Variants in RPS6KA5 observed in about 807,000 individuals in gnomAD.
The protein encoded by RPS6KA5 is ribosomal protein S6 kinase A5, also known as ribosomal protein S6 kinase alpha-5.
A neutral mutation model predicts 85.5 loss-of-function variants in RPS6KA5; 27 were observed. That is an observed-to-expected ratio of 0.32 (90% confidence interval 0.23 to 0.44). The LOEUF (loss-of-function observed/expected upper bound fraction) is 0.44, where lower values mean the gene tolerates loss of function less well. Among genes scored for constraint, RPS6KA5 ranks in the 20% least tolerant of loss-of-function variants. The probability of loss-of-function intolerance (pLI) is 1.00; values close to 1 mark genes in which losing one functional copy is unlikely to be tolerated. For synonymous variants in RPS6KA5, 334 were observed against 348.2 expected (o/e 0.96, Z 0.46); for missense variants, 811 against 980.9 (o/e 0.83, Z 2.31).
At position 90,850,783 on chromosome 14, in the gene RPS6KA5, G is replaced by T. The variant is rs1299777738; in HGVS notation, c.*21291C>A. ...GATTCTCGTATGTGCTGAAAACACTGCTATGACGACAGTTTGATCTGATCA... is the reference window on the plus strand; with the variant it reads ...GATTCTCGTATGTGCTGAAAACACTTCTATGACGACAGTTTGATCTGATCA... On this transcript the variant is annotated 3_prime_UTR_variant, in exon 17 of 17. Transcript: ENST00000614987. The T allele has an allele frequency of 1.3e-5, 2 of 152,200 alleles. 1 individual carries two copies. The highest frequency in any genetic ancestry group is 4.8e-5 in the African/African-American group (2 of 41,444). 9.4% of individuals were successfully genotyped at this position (152,200 alleles called of 1,614,324 possible). A position where few individuals can be genotyped will look rare whatever the true frequency, so the allele number is the denominator to read the frequency against.
At position 90,866,684 on chromosome 14, in the gene RPS6KA5, T is replaced by A. The variant is rs138039039; in HGVS notation, c.*5390A>T. On this transcript the variant is annotated 3_prime_UTR_variant, in exon 17 of 17. Transcript: ENST00000614987. ...TTTAAATTCTACACATAAGGATACA[T>A]ACCATTTTTACCAGCTATACTTTAA... is the stretch of plus-strand genomic sequence containing the variant. The A allele has an allele frequency of 1.3e-5, 2 of 152,226 alleles. No homozygotes were observed. Among genetic ancestry groups the A allele is most frequent in the Admixed American group, 1.3e-4 (2 of 15,284 alleles). The allele number at this position is 152,226 out of a possible 1,614,324, so 9.4% of individuals were successfully genotyped here.
At chr14:91,025,924 C>A (rs1301846380) in intron 1 of RPS6KA5, among the ~76,000 whole-genome samples, 1 of 151,916 alleles carries the variant, frequency 6.6e-6, no homozygotes, top group Non-Finnish European at 1.5e-5. Context: ...ATGTGGCGTA[C>A]AAATGATTCC....
At chr14:90,980,363 T>C (rs2039739790) in intron 2 of RPS6KA5, among the ~76,000 whole-genome samples, 1 of 152,182 alleles carries the variant, frequency 6.6e-6, no homozygotes, top group South Asian at 2.1e-4. Flanking sequence ...ACTATGGTTT[T>C]TAGAAATTAG....
intron 1 of RPS6KA5, among the ~76,000 whole-genome samples, chr14:91,007,760 G>A (rs996432748): frequency 1.1e-4 from 17 of 151,092 alleles, no homozygotes; most frequent in Admixed American, 4.0e-4. Flanking sequence ...GGTGATTGAT[G>A]TAATTTTAAA....
At chr14:90,966,917 C>T (rs1460818627) in intron 3 of RPS6KA5, among the ~76,000 whole-genome samples, 1 of 152,140 alleles carries the variant, frequency 6.6e-6, no homozygotes, top group Non-Finnish European at 1.5e-5. Context: ...TCTTGATGGG[C>T]ATGTCTCAAG....
chr14:91,010,357 C>T (rs1009261600), intron 1 of RPS6KA5, among the ~76,000 whole-genome samples: 9 of 152,140 alleles, frequency 5.9e-5, no homozygotes, highest in Non-Finnish European at 1.3e-4. Flanking sequence ...TCTAACCATT[C>T]AGGCCGTAAG....
At chr14:90,962,732 T>C (rs540897748) in intron 3 of RPS6KA5, among the ~76,000 whole-genome samples, 10 of 152,276 alleles carry the variant, frequency 6.6e-5, no homozygotes, top group African/African-American at 2.4e-4. Flanking sequence ...GTAAGAACAA[T>C]ACAAAGAATC....
At chr14:90,908,588 G>T (rs1208974179) in intron 7 of RPS6KA5, among the ~76,000 whole-genome samples, 2 of 152,206 alleles carry the variant, frequency 1.3e-5, no homozygotes, top group Non-Finnish European at 2.9e-5. Flanking sequence ...ATTCCTGCTA[G>T]AAAACTGCAG....
In RPS6KA5 at chr14:90,854,891, C is replaced by G. The variant is rs1186709254; in HGVS notation, c.*17183G>C. 6.6e-6 allele frequency: 1 copy of G among 152,154 alleles called. No homozygotes were observed. Among genetic ancestry groups the G allele is most frequent in the African/African-American group, 2.4e-5 (1 of 41,454 alleles). 9.4% of individuals were successfully genotyped at this position (152,154 alleles called of 1,614,324 possible). On this transcript the variant is annotated 3_prime_UTR_variant, in exon 17 of 17. Coordinates refer to ENST00000614987, the MANE Select transcript of RPS6KA5 (RefSeq NM_004755.4). ...ATTCAAAACATATAAAAAGCACTGA[C>G]TTTATTGTACTGCAATATAAATTCT...
intron 11 of RPS6KA5, 27 bp downstream of exon 11, chr14:90,900,081 A>G: frequency 6.5e-7 from 1 of 1,534,080 alleles, no homozygotes; most frequent in Non-Finnish European, 8.8e-7. Flanking sequence ...TACCTAAGAA[A>G]GAATATTATA....
rs2032042498 is a variant in RPS6KA5, at chr14:90,852,324, G to GAGACC, written c.*19749_*19750insGGTCT. On this transcript the variant is annotated 3_prime_UTR_variant, in exon 17 of 17. Transcript: ENST00000614987. ...TTAGCCAGGATGGTCTCGACCTCGT[G>GAGACC]ATCTGCCCGCCTCGGCCTCCCAACA... 1 of 151,894 alleles carries GAGACC rather than the reference G, an allele frequency of 6.6e-6. No homozygotes were observed. Among genetic ancestry groups the GAGACC allele is most frequent in the African/African-American group, 2.4e-5 (1 of 41,372 alleles). The allele number at this position is 151,894 out of a possible 1,614,324, so 9.4% of individuals were successfully genotyped here.
chr14:90,885,985 A>T (rs1037978986), intron 14 of RPS6KA5, among the ~76,000 whole-genome samples: 1 of 151,928 alleles, frequency 6.6e-6, no homozygotes, highest in Non-Finnish European at 1.5e-5. Context: ...TTAAAATTTT[A>T]GTTGATTATC....
At chr14:90,982,704 C>T (rs12893980) in intron 2 of RPS6KA5, among the ~76,000 whole-genome samples, 72,249 of 152,024 alleles carry the variant, frequency 0.48, 17,671 homozygotes, top group East Asian at 0.55. Context: ...GGGGGCCGGG[C>T]GCAGTGGCTC....
chr14:91,022,130 T>C (rs2041811317), intron 1 of RPS6KA5, among the ~76,000 whole-genome samples: 1 of 152,268 alleles, frequency 6.6e-6, no homozygotes, highest in Admixed American at 6.5e-5. Context: ...CATAATATTA[T>C]AAGGAATGCC....
In RPS6KA5 at chr14:90,848,306, T is replaced by C. The variant is rs1234426606; in HGVS notation, c.*23768A>G. On this transcript the variant is annotated 3_prime_UTR_variant, in exon 17 of 17. Transcript: ENST00000614987. ...CAAAGAACATCGAAATAACTTCATATCTATAGCAACGAAGGGAACATGGAA... is the reference window on the plus strand; with the variant it reads ...CAAAGAACATCGAAATAACTTCATACCTATAGCAACGAAGGGAACATGGAA... The C allele has an allele frequency of 6.6e-6, 1 of 152,178 alleles. No homozygotes were observed. Among genetic ancestry groups the C allele is most frequent in the Non-Finnish European group, 1.5e-5 (1 of 68,038 alleles). The allele number at this position is 152,178 out of a possible 1,614,324, so 9.4% of individuals were successfully genotyped here.
In RPS6KA5 at chr14:90,867,248, TTC is replaced by T. The variant is rs1415693321; in HGVS notation, c.*4824_*4825del. On this transcript the variant is annotated 3_prime_UTR_variant, in exon 17 of 17. Transcript: ENST00000614987. ...TCTAAGTCATGACATTTCTCTTTTG[TTC>T]TGTTTTCTTTTTCTTCTAATATTAA... 1.3e-5 allele frequency: 2 copies of T among 152,192 alleles called. No homozygotes were observed. The highest frequency in any genetic ancestry group is 2.1e-4 in the South Asian group (1 of 4,834). The allele number at this position is 152,192 out of a possible 1,614,324, so 9.4% of individuals were successfully genotyped here. A position where few individuals can be genotyped will look rare whatever the true frequency, so the allele number is the denominator to read the frequency against.
rs1313373240 is a variant in RPS6KA5 at position 90,865,042 on chromosome 14, T to C, written c.*7032A>G. On this transcript the variant is annotated 3_prime_UTR_variant, in exon 17 of 17. Transcript: ENST00000614987. ...AATATATATTCATCTTATGACTCAG[T>C]AGTTTCACTCCTTTTTTTTGTCTGT... 6.6e-6 allele frequency: 1 copy of C among 152,238 alleles called. No homozygotes were observed. The highest frequency in any genetic ancestry group is 1.5e-5 in the Non-Finnish European group (1 of 68,042). 9.4% of individuals were successfully genotyped at this position (152,238 alleles called of 1,614,324 possible). A position where few individuals can be genotyped will look rare whatever the true frequency, so the allele number is the denominator to read the frequency against.
intron 3 of RPS6KA5, among the ~76,000 whole-genome samples, chr14:90,968,509 T>C (rs1268215151): frequency 6.6e-6 from 1 of 152,206 alleles, no homozygotes; most frequent in Non-Finnish European, 1.5e-5. Flanking sequence ...TTATTCAGTC[T>C]ACCACAGCCT....
rs781411551 is a variant in RPS6KA5 at position 90,947,487 on chromosome 14, T to G, written c.458A>C (p.Glu153Ala). ...AATCTCTCCAACATAAATCTGCACCTCATGCTCTGTGAAACGCTCTCTTTG... is the reference window on the plus strand; with the variant it reads ...AATCTCTCCAACATAAATCTGCACCGCATGCTCTGTGAAACGCTCTCTTTG... The part of the protein sequence containing the change: ...LSQRERFTEH[E>A]VQIYVGEIVL... Residue 153 changes from glutamate to alanine, a missense_variant, in exon 4 of 17, where the codon GAG (glutamate) becomes GCG (alanine). Glu to Ala is a moderately radical substitution (Grantham distance 107, BLOSUM62 -1). This residue lies in a region of RPS6KA5 where 650 missense variants were observed against 793.4 expected (regional missense o/e 0.82). Transcript: ENST00000614987. 3.1e-6 allele frequency: 5 copies of G among 1,612,898 alleles called. No individual in the cohort carries two copies. The African/African-American group carries it at 5.3e-5, about 17-fold the overall frequency.
Sources: allele counts gnomAD v4.1 joint callset (sites outside exome capture counted in the v4.1 genomes callset), GRCh38; gene constraint gnomAD v4.1.1; regional missense constraint gnomAD v4.1.1; transcripts MANE v1.5; gene names NCBI Gene and HGNC (gene_info 2026-07-23, HGNC 2026-07-21).